Variants in ZNF618 observed in about 807,000 individuals in gnomAD.
ZNF618 encodes zinc finger protein 618.
A neutral mutation model predicts 103.0 loss-of-function variants in ZNF618; 34 were observed. The observed-to-expected ratio is 0.33, with a 90% CI of 0.25 to 0.44. The LOEUF is 0.44. Among genes scored for constraint, ZNF618 ranks in the 20% least tolerant of loss-of-function variants. The probability of loss-of-function intolerance (pLI) is 1.00; values close to 1 mark genes in which losing one functional copy is unlikely to be tolerated. For synonymous variants in ZNF618, 551 were observed against 542.2 expected (o/e 1.02, Z -0.23); for missense variants, 1,059 against 1,295.4 (o/e 0.82, Z 2.80).
intron 1 of ZNF618, among the ~76,000 whole-genome samples, chr9:113,938,608 G>A (rs561316422): frequency 5.9e-5 from 8 of 135,472 alleles, no homozygotes; most frequent in African/African-American, 1.6e-4. Flanking sequence ...TAGCTCTATC[G>A]TCCAGGCTAG....
intron 1 of ZNF618, among the ~76,000 whole-genome samples, chr9:113,905,608 T>C (rs1468566361): frequency 6.6e-6 from 1 of 152,250 alleles, no homozygotes; most frequent in African/African-American, 2.4e-5. Context: ...TTCTCCACTT[T>C]GGCTATTGGG....
intron 1 of ZNF618, among the ~76,000 whole-genome samples, chr9:113,878,853 A>G (rs1270803763): frequency 6.6e-6 from 1 of 152,234 alleles, no homozygotes; most frequent in East Asian, 1.9e-4. Context: ...TTTAAGTGGA[A>G]TAAGTCAAAT....
At chr9:113,989,276 G>A (rs1398818379) in intron 3 of ZNF618, among the ~76,000 whole-genome samples, 2 of 152,236 alleles carry the variant, frequency 1.3e-5, no homozygotes, top group East Asian at 1.9e-4. Flanking sequence ...TGTGGAGGGC[G>A]GCTGCTGCTC....
At chr9:113,908,378 C>T (rs2131382221) in intron 1 of ZNF618, among the ~76,000 whole-genome samples, 1 of 152,256 alleles carries the variant, frequency 6.6e-6, no homozygotes, top group African/African-American at 2.4e-5. Flanking sequence ...CATATTATGA[C>T]TTTTGTGGGC....
intron 1 of ZNF618, among the ~76,000 whole-genome samples, chr9:113,913,323 G>GAGA (rs1831735464): frequency 6.6e-6 from 1 of 152,256 alleles, no homozygotes; most frequent in Non-Finnish European, 1.5e-5. Context: ...ATTCAGGATT[G>GAGA]CTGTCCCTCA....
At chr9:114,008,761 G>A (rs1841984242) in intron 9 of ZNF618, among the ~76,000 whole-genome samples, 1 of 152,218 alleles carries the variant, frequency 6.6e-6, no homozygotes, top group Non-Finnish European at 1.5e-5. Flanking sequence ...TCAGGACAGT[G>A]AAGGCAGCCA....
intron 2 of ZNF618, among the ~76,000 whole-genome samples, chr9:113,974,024 C>T (rs1167376770): frequency 2.0e-5 from 3 of 152,230 alleles, no homozygotes; most frequent in Non-Finnish European, 4.4e-5. Flanking sequence ...AAGTGCTTGG[C>T]ACTGACCTGG....
chr9:113,946,059 T>C (rs1834998365), intron 1 of ZNF618, among the ~76,000 whole-genome samples: 1 of 152,212 alleles, frequency 6.6e-6, no homozygotes. Context: ...CAAGTTAGGC[T>C]GTCCTGCCTT....
chr9:113,996,429 A>G (rs1043206738), intron 3 of ZNF618, among the ~76,000 whole-genome samples: 1 of 152,096 alleles, frequency 6.6e-6, no homozygotes, highest in Non-Finnish European at 1.5e-5. Flanking sequence ...GCTTCTCTAG[A>G]CCTGGCTGGG....
chr9:113,962,873 C>T (rs914859421), intron 1 of ZNF618, among the ~76,000 whole-genome samples: 1 of 152,170 alleles, frequency 6.6e-6, no homozygotes, highest in African/African-American at 2.4e-5. Flanking sequence ...TTATTTATTA[C>T]GCCTAATGTT....
intron 4 of ZNF618, among the ~76,000 whole-genome samples, 196 bp from the exon 5 acceptor site, chr9:114,001,800 T>C (rs1841232074): frequency 6.6e-6 from 1 of 151,988 alleles, no homozygotes; most frequent in Non-Finnish European, 1.5e-5. Context: ...TTGCCCAAGG[T>C]CACCCACAGA....
intron 9 of ZNF618, among the ~76,000 whole-genome samples, chr9:114,012,853 A>G (rs755767982): frequency 6.6e-6 from 1 of 152,172 alleles, no homozygotes; most frequent in Non-Finnish European, 1.5e-5. Flanking sequence ...CCTAAGATCT[A>G]ATAGAAGAAA....
intron 9 of ZNF618, among the ~76,000 whole-genome samples, chr9:114,011,778 G>T (rs1842268646): frequency 6.6e-6 from 1 of 152,214 alleles, no homozygotes; most frequent in African/African-American, 2.4e-5. Flanking sequence ...TAGGTACTTA[G>T]GTTGGAAGAA....
chr9:113,900,748 C>G (rs1356468561), intron 1 of ZNF618, among the ~76,000 whole-genome samples: 1 of 137,122 alleles, frequency 7.3e-6, no homozygotes, highest in Non-Finnish European at 1.6e-5. Flanking sequence ...GCACCGTCCT[C>G]TCGCGCAAAC....
chr9:114,044,164 T>G (rs1157637386), intron 13 of ZNF618, among the ~76,000 whole-genome samples: 1 of 152,222 alleles, frequency 6.6e-6, no homozygotes, highest in African/African-American at 2.4e-5. Flanking sequence ...CTTCTAGAAT[T>G]TTTATGGTTT....
rs564929602 is a variant in ZNF618, at chr9:113,996,035, G to C, written c.338-2224G>C. 2.8e-4 allele frequency among the ~76,000 whole-genome samples: 43 copies of C among 152,234 alleles called. 1 individual carries two copies. The highest frequency in any genetic ancestry group is 2.6e-3 in the Admixed American group (40 of 15,298). ...CTGATGATTCTCTTAAGGCTGTGTG[G>C]ACCTACTTACCCCTTGGGCAGCCAC... is the stretch of plus-strand genomic sequence containing the variant. On this transcript the variant is annotated intron_variant, in intron 3 of 14. Transcript: ENST00000374126.
chr9:114,052,510 A>C lies in ZNF618; in HGVS notation c.*2343A>C, dbSNP rs1846199669. 3 of 152,342 alleles carry C rather than the reference A, an allele frequency of 2.0e-5. No homozygotes were observed. Among genetic ancestry groups the C allele is most frequent in the African/African-American group, 7.2e-5 (3 of 41,468 alleles). 9.4% of individuals were successfully genotyped at this position (152,342 alleles called of 1,614,324 possible). A position where few individuals can be genotyped will look rare whatever the true frequency, so the allele number is the denominator to read the frequency against. ...AGGGAATATGGGAAGAAACATCAGC[A>C]GACTTTATGATGTCAGTTGGGCCTT... On this transcript the variant is annotated 3_prime_UTR_variant, in exon 15 of 15. Transcript: ENST00000374126.
At chr9:113,969,272 G>T (rs926872864) in intron 2 of ZNF618, 112 bp downstream of exon 2, 19 of 1,340,102 alleles carry the variant, frequency 1.4e-5, no homozygotes, top group Admixed American at 3.5e-5. Flanking sequence ...GGTGGTCCAG[G>T]CCAGCCCTCC....
At chr9:113,895,542 G>C (rs1829966697) in intron 1 of ZNF618, among the ~76,000 whole-genome samples, 1 of 152,160 alleles carries the variant, frequency 6.6e-6, no homozygotes, top group Admixed American at 6.5e-5. Context: ...TTTTAAGGGG[G>C]TTATGCTAGT....
Sources: allele counts gnomAD v4.1 joint callset (sites outside exome capture counted in the v4.1 genomes callset), GRCh38; gene constraint gnomAD v4.1.1; transcripts MANE v1.5; gene names NCBI Gene and HGNC (gene_info 2026-07-23, HGNC 2026-07-21).